The following WNT5A variants were observed in gnomAD, a reference collection of about 807,000 sequenced individuals.
WNT5A encodes protein Wnt-5a.
A neutral mutation model predicts 42.1 loss-of-function variants in WNT5A; 9 were observed. The ratio of observed to expected loss-of-function variants is 0.21; its 90% CI spans 0.13 to 0.37. The LOEUF (loss-of-function observed/expected upper bound fraction) is 0.37. Ranked by LOEUF, WNT5A falls within the 10% of genes least tolerant of loss-of-function variation. The probability of loss-of-function intolerance (pLI) is 1.00; values close to 1 mark genes in which losing one functional copy is unlikely to be tolerated. For synonymous variants in WNT5A, 210 were observed against 210.0 expected (o/e 1.00, Z 0.00); for missense variants, 426 against 534.0 (o/e 0.80, Z 1.99).
the WNT5A span, among the ~76,000 whole-genome samples, chr3:55,498,551 C>T: frequency 1.3e-5 from 2 of 152,188 alleles, no homozygotes; most frequent in Non-Finnish European, 2.9e-5. Context: ...GCTACGGAGA[C>T]AGAGCACCTA....
At chr3:55,491,104 C>T (rs144197448), upstream of WNT5A, among the ~76,000 whole-genome samples, 37 of 152,176 alleles carry the variant, frequency 2.4e-4, no homozygotes, top group South Asian at 1.2e-3. Context: ...CACGAATGGG[C>T]GAATGGATGA....
At chr3:55,476,597 CA>C (rs1049832494) in intron 3 of WNT5A, among the ~76,000 whole-genome samples, 2 of 152,180 alleles carry the variant, frequency 1.3e-5, no homozygotes, top group African/African-American at 4.8e-5. Context: ...AGGCTTTATA[CA>C]AAACACAAAC....
chr3:55,501,005 A>T, the WNT5A span, among the ~76,000 whole-genome samples: 2 of 152,096 alleles, frequency 1.3e-5, no homozygotes, highest in African/African-American at 4.8e-5. Context: ...CCATTAATCC[A>T]CTCAATACCC....
At position 55,467,443 on chromosome 3, in the gene WNT5A, G is replaced by T. The variant is rs1279656272; in HGVS notation, c.*2649C>A. On this transcript the variant is annotated 3_prime_UTR_variant, in exon 5 of 5. Transcript: ENST00000264634. ...GTTCCATTACATATAGAAACCTTTT[G>T]AAGCTTCCAAATAGCTTGGTTTTGG... 1.4e-5 allele frequency: 2 copies of T among 141,386 alleles called. No individual in the cohort carries two copies. The highest frequency in any genetic ancestry group is 2.1e-4 in the East Asian group (1 of 4,852). The allele number at this position is 141,386 out of a possible 1,614,324, so 8.8% of individuals were successfully genotyped here.
In WNT5A at chr3:55,467,815, C is replaced by T. The variant is rs1456911614; in HGVS notation, c.*2277G>A. The T allele has an allele frequency of 6.6e-6, 1 of 152,094 alleles. No homozygotes were observed. Among genetic ancestry groups the T allele is most frequent in the African/African-American group, 2.4e-5 (1 of 41,398 alleles). 9.4% of individuals were successfully genotyped at this position (152,094 alleles called of 1,614,324 possible). A position where few individuals can be genotyped will look rare whatever the true frequency, so the allele number is the denominator to read the frequency against. On this transcript the variant is annotated 3_prime_UTR_variant, in exon 5 of 5. Coordinates refer to ENST00000264634, the MANE Select transcript of WNT5A (RefSeq NM_003392.7). ...TGTTAAACTCAACTCTCTTCATAAA[C>T]ATGAGTCACTAAAAAGGAACAATCT...
chr3:55,484,685 T>TACACACACACACACACAC (rs67013864), intron 1 of WNT5A, among the ~76,000 whole-genome samples: 2 of 137,896 alleles, frequency 1.5e-5, no homozygotes, highest in Admixed American at 7.4e-5. Context: ...GGCCCCAGGA[T>TACACACACACACACACAC]ACACACACAC....
the WNT5A span, among the ~76,000 whole-genome samples, chr3:55,502,141 C>A: frequency 6.6e-6 from 1 of 152,194 alleles, no homozygotes; most frequent in Admixed American, 6.5e-5. Context: ...TGGAGAAATT[C>A]TTCTCCCATG....
At position 55,466,802 on chromosome 3, in the gene WNT5A, G is replaced by A. The variant is rs2051151541; in HGVS notation, c.*3290C>T. 1 of 152,588 alleles carries A rather than the reference G, an allele frequency of 6.6e-6. No homozygotes were observed. The highest frequency in any genetic ancestry group is 2.1e-4 in the South Asian group (1 of 4,826). 9.5% of individuals were successfully genotyped at this position (152,588 alleles called of 1,614,324 possible). Reference sequence around the variant, plus strand: ...TGAGGAAAAACTGAAACAGATGTGAGTCCTAGAACCACAAGAGTTTGAATT... The same window carrying A: ...TGAGGAAAAACTGAAACAGATGTGAATCCTAGAACCACAAGAGTTTGAATT... On this transcript the variant is annotated 3_prime_UTR_variant, in exon 5 of 5. Transcript: ENST00000264634.
chr3:55,474,497 C>T lies in WNT5A; in HGVS notation c.524G>A (p.Arg175Gln). The T allele has an allele frequency of 6.3e-7, 1 of 1,590,798 alleles. No homozygotes were observed. Among genetic ancestry groups the T allele is most frequent in the Non-Finnish European group, 8.5e-7 (1 of 1,170,470 alleles). The change falls in exon 4 of 5, where the codon CGG becomes CAG. Residue 175 changes from arginine to glutamine, a missense_variant. Physicochemically the swap from Arg to Gln is conservative, Grantham distance 43. Around this residue, in one of 3 missense-constraint regions of WNT5A, gnomAD observed 358 missense variants for 468.1 expected, o/e 0.76. Coordinates refer to ENST00000264634, the MANE Select transcript of WNT5A (RefSeq NM_003392.7). ...GCCGCAGCCGCCCCAGAGCCAGTCCCGCGGCAGGTCCTTGGGGCGCGCGGC... is the reference window on the plus strand; with the variant it reads ...GCCGCAGCCGCCCCAGAGCCAGTCCTGCGGCAGGTCCTTGGGGCGCGCGGC... ...SRAARPKDLP[R>Q]DWLWGGCGDN...
chr3:55,480,529 C>T (rs116450993), intron 2 of WNT5A, among the ~76,000 whole-genome samples: 90 of 152,242 alleles, frequency 5.9e-4, no homozygotes, highest in African/African-American at 2.0e-3. Flanking sequence ...TACAAGCACA[C>T]GTCTGAACAA....
At chr3:55,485,496 AAC>A (rs2051560344) in intron 1 of WNT5A, among the ~76,000 whole-genome samples, 1 of 151,570 alleles carries the variant, frequency 6.6e-6, no homozygotes, top group Admixed American at 6.6e-5. Context: ...TACACACACA[AAC>A]ACACACGCAC....
At position 55,483,030 on chromosome 3, in the gene WNT5A, TGGGGC is replaced by T. The variant is rs1575405931; in HGVS notation, c.7-2117_7-2113del. Among the ~76,000 whole-genome samples the T allele has an allele frequency of 6.6e-6, 1 of 152,056 alleles. No individual in the cohort carries two copies. Among genetic ancestry groups the T allele is most frequent in the East Asian group, 1.9e-4 (1 of 5,160 alleles). On this transcript the variant is annotated intron_variant, in intron 1 of 4. Coordinates refer to ENST00000264634, the MANE Select transcript of WNT5A (RefSeq NM_003392.7). This position sits in a 1 kb window ranked among gnomAD's most constrained non-coding sequence, Gnocchi z 4.2. The stretch of plus-strand genomic sequence containing the variant: ...CAAGCTTCGCGGCGAGCGGGGCGCG[TGGGGC>T]GGGGCTCAAGCAGCAGAGAAATTGA...
rs2040241643 is a variant in WNT5A at position 55,465,993 on chromosome 3, A to C, written c.*4099T>G. ...AACAAGATGATGTTTCACTAAAATAAAATATCCAATCATCAGATTAAAGTG... is the reference window on the plus strand; with the variant it reads ...AACAAGATGATGTTTCACTAAAATACAATATCCAATCATCAGATTAAAGTG... On this transcript the variant is annotated 3_prime_UTR_variant, in exon 5 of 5. Coordinates refer to ENST00000264634, the MANE Select transcript of WNT5A (RefSeq NM_003392.7). The C allele has an allele frequency of 6.6e-6, 1 of 152,204 alleles. No individual in the cohort carries two copies. Among genetic ancestry groups the C allele is most frequent in the South Asian group, 2.1e-4 (1 of 4,836 alleles). The allele number at this position is 152,204 out of a possible 1,614,324, so 9.4% of individuals were successfully genotyped here.
intron 3 of WNT5A, among the ~76,000 whole-genome samples, chr3:55,478,246 C>T (rs1051486878): frequency 1.3e-5 from 2 of 152,146 alleles, no homozygotes; most frequent in Non-Finnish European, 2.9e-5. Flanking sequence ...TATAAAACCA[C>T]TTGGCTCAAA....
At chr3:55,481,398 C>T in intron 1 of WNT5A, 1 of 985,010 alleles carries the variant, frequency 1.0e-6, no homozygotes, top group Non-Finnish European at 1.2e-6. Context: ...GCGAGTGGAG[C>T]GCGCTGCCGC....
chr3:55,476,360 C>A (rs1424122855), intron 3 of WNT5A, among the ~76,000 whole-genome samples: 1 of 152,156 alleles, frequency 6.6e-6, no homozygotes. Context: ...TGCGTTACAC[C>A]TATCTAGCGG....
At position 55,480,937 on chromosome 3, in the gene WNT5A, A is replaced by G. The variant is rs1341819671; in HGVS notation, c.7-19T>C. ...TGGACTTCTGGAGAGGGAAGAAAGG[A>G]GCAGATGTTTATTGCCTCTCAGATA... On this transcript the variant is annotated intron_variant, in intron 1 of 4. Transcript: ENST00000264634. 1 of 1,489,740 alleles carries G rather than the reference A, an allele frequency of 6.7e-7. No homozygotes were observed. Among genetic ancestry groups the G allele is most frequent in the Non-Finnish European group, 9.0e-7 (1 of 1,115,670 alleles). 92.3% of individuals were successfully genotyped at this position (1,489,740 alleles called of 1,614,324 possible).
At chr3:55,491,897 G>GC (rs974973660), upstream of WNT5A, among the ~76,000 whole-genome samples, 1 of 152,264 alleles carries the variant, frequency 6.6e-6, no homozygotes, top group African/African-American at 2.4e-5. Flanking sequence ...AGACAAAGAG[G>GC]CCGGAAAGGG....
At chr3:55,504,524 C>T in the WNT5A span, among the ~76,000 whole-genome samples, 1 of 150,550 alleles carries the variant, frequency 6.6e-6, no homozygotes, top group Non-Finnish European at 1.5e-5. Flanking sequence ...AGCTCAATGG[C>T]GCGATATCGG....
Sources: gnomAD v4.1 joint callset for allele counts (sites outside exome capture counted in the v4.1 genomes callset) on GRCh38, gnomAD v4.1.1 for gene constraint, gnomAD v4.1.1 regional missense constraint, Gnocchi (gnomAD v3.1) non-coding constraint, MANE v1.5 for transcripts, NCBI Gene and HGNC (gene_info 2026-07-23, HGNC 2026-07-21) for gene names.